The following CCDC141 variants were observed in gnomAD, a reference collection of about 807,000 sequenced individuals.
CCDC141 encodes the protein coiled-coil domain-containing protein 141.
In CCDC141, 168 loss-of-function variants were observed where a neutral mutation model predicts 181.0. The ratio of observed to expected loss-of-function variants is 0.93; its 90% CI spans 0.82 to 1.05. The LOEUF is 1.05. CCDC141 is among the 50% of genes least tolerant of loss of function. The pLI, the probability that CCDC141 is intolerant of heterozygous loss-of-function variation, is 0.00. For missense variants in CCDC141, 1,902 were observed against 1,788.5 expected (o/e 1.06, Z -1.14); for synonymous variants, 666 against 642.3 (o/e 1.04, Z -0.56).
chr2:178,937,997 T>A (rs763007052), intron 6 of CCDC141, among the ~76,000 whole-genome samples: 5 of 152,086 alleles, frequency 3.3e-5, no homozygotes, highest in Non-Finnish European at 7.4e-5. Context: ...CTTATTAAGT[T>A]TTTCAAGAAA....
chr2:178,987,997 C>T (rs1269895867), intron 2 of CCDC141, among the ~76,000 whole-genome samples: 1 of 151,678 alleles, frequency 6.6e-6, no homozygotes, highest in African/African-American at 2.4e-5. Context: ...ATAAATCATG[C>T]TGCTATAAAG....
chr2:179,009,932 G>T (rs1033078281), intron 2 of CCDC141, among the ~76,000 whole-genome samples: 1 of 152,014 alleles, frequency 6.6e-6, no homozygotes, highest in Non-Finnish European at 1.5e-5. Flanking sequence ...AATATTAAAG[G>T]AAATAGATAG....
chr2:179,050,049 C>T lies in CCDC141; in HGVS notation c.-108G>A. ...CTTGGATTCATTCAGGGAAAGAGCTCAGCTCACACTGATTACTCTGCCAAA... is the reference window on the plus strand; with the variant it reads ...CTTGGATTCATTCAGGGAAAGAGCTTAGCTCACACTGATTACTCTGCCAAA... On this transcript the variant is annotated 5_prime_UTR_variant, in exon 1 of 24. The change abolishes the stop of an existing upstream ORF in the 5' untranslated region. Transcript: ENST00000443758. 6.7e-7 allele frequency: 1 copy of T among 1,491,694 alleles called. No homozygotes were observed. Among genetic ancestry groups the T allele is most frequent in the Non-Finnish European group, 9.0e-7 (1 of 1,110,528 alleles). The allele number at this position is 1,491,694 out of a possible 1,614,324, so 92.4% of individuals were successfully genotyped here. A position where few individuals can be genotyped will look rare whatever the true frequency, so the allele number is the denominator to read the frequency against.
chr2:178,872,188 G>C lies in CCDC141; in HGVS notation c.2024C>G (p.Thr675Arg), dbSNP rs760248118. The C allele has an allele frequency of 6.2e-7, 1 of 1,613,860 alleles. No homozygotes were observed. Among genetic ancestry groups the C allele is most frequent in the Non-Finnish European group, 8.5e-7 (1 of 1,179,944 alleles). ...CTGCTGTTTTCCAGGCTTGCTTTCCGTGGCTTTAAGCTGCCATGCCAGCCG... is the reference window on the plus strand; with the variant it reads ...CTGCTGTTTTCCAGGCTTGCTTTCCCTGGCTTTAAGCTGCCATGCCAGCCG... ...LLRLAWQLKA[T>R]ESKPGKQQWA... The change falls in exon 13 of 24, where the codon ACG (threonine) becomes AGG (arginine). Residue 675 changes from threonine to arginine, a missense_variant. Physicochemically the swap from Thr to Arg is moderately conservative, Grantham distance 71 (BLOSUM62 -1). Coordinates refer to ENST00000443758, the MANE Select transcript of CCDC141 (RefSeq NM_173648.4).
chr2:179,015,385 T>C (rs1037231948), intron 2 of CCDC141, among the ~76,000 whole-genome samples: 39 of 139,902 alleles, frequency 2.8e-4, no homozygotes, highest in Non-Finnish European at 4.6e-4. Context: ...ATATATCTCA[T>C]ATATGTATCA....
At chr2:179,048,408 A>C (rs1417783119) in intron 1 of CCDC141, among the ~76,000 whole-genome samples, 1 of 152,190 alleles carries the variant, frequency 6.6e-6, no homozygotes, top group Admixed American at 6.5e-5. Flanking sequence ...AACACAATTC[A>C]GTTAAAATAA....
intron 2 of CCDC141, among the ~76,000 whole-genome samples, chr2:179,022,912 C>A (rs1319440339): frequency 9.2e-6 from 1 of 109,218 alleles, no homozygotes. Flanking sequence ...CTCAGTATTG[C>A]TAACTGAGTG....
intron 5 of CCDC141, among the ~76,000 whole-genome samples, chr2:178,950,130 A>G (rs1689889472): frequency 6.6e-6 from 1 of 152,236 alleles, no homozygotes; most frequent in South Asian, 2.1e-4. Context: ...CTGAATAACC[A>G]GGTTCTATTA....
intron 17 of CCDC141, among the ~76,000 whole-genome samples, chr2:178,862,951 T>G (rs1685685599): frequency 6.6e-6 from 1 of 152,154 alleles, no homozygotes; most frequent in African/African-American, 2.4e-5. Flanking sequence ...CCAAATGAAC[T>G]GTACTATTAT....
At chr2:178,965,506 C>G (rs572183110) in intron 4 of CCDC141, among the ~76,000 whole-genome samples, 1 of 152,260 alleles carries the variant, frequency 6.6e-6, no homozygotes, top group South Asian at 2.1e-4. Context: ...GTCACCTCAC[C>G]CAGGAAGCAC....
downstream of CCDC141, among the ~76,000 whole-genome samples, chr2:178,825,906 A>G (rs1684118838): frequency 6.6e-6 from 1 of 152,164 alleles, no homozygotes; most frequent in Non-Finnish European, 1.5e-5. Flanking sequence ...CTAGGTAGAA[A>G]GTCATGATAT....
chr2:178,934,467 C>T (rs1689210098), intron 6 of CCDC141, among the ~76,000 whole-genome samples: 1 of 151,908 alleles, frequency 6.6e-6, no homozygotes, highest in South Asian at 2.1e-4. Flanking sequence ...TATAATCATC[C>T]ATGTCTGCTA....
intron 2 of CCDC141, among the ~76,000 whole-genome samples, chr2:179,021,935 A>G (rs933549100): frequency 6.6e-6 from 1 of 152,208 alleles, no homozygotes; most frequent in Non-Finnish European, 1.5e-5. Flanking sequence ...CATAGGCCTA[A>G]TAAAAGATAG....
chr2:178,898,888 T>A (rs1687541945), intron 8 of CCDC141, among the ~76,000 whole-genome samples: 2 of 152,174 alleles, frequency 1.3e-5, no homozygotes, highest in Non-Finnish European at 2.9e-5. Flanking sequence ...TTTTAATACA[T>A]TAAGATAAGT....
chr2:178,904,243 T>C (rs537086288), intron 8 of CCDC141, among the ~76,000 whole-genome samples: 1 of 152,336 alleles, frequency 6.6e-6, no homozygotes, highest in East Asian at 1.9e-4. Context: ...TCCCTTGTCT[T>C]CATAGCCTCA....
chr2:178,857,701 G>A (rs1251722720), intron 17 of CCDC141, among the ~76,000 whole-genome samples: 1 of 152,104 alleles, frequency 6.6e-6, no homozygotes, highest in Non-Finnish European at 1.5e-5. Context: ...AGATTATATG[G>A]AGGCATTTAA....
chr2:179,021,331 C>G (rs2042687201), intron 2 of CCDC141, among the ~76,000 whole-genome samples: 1 of 152,130 alleles, frequency 6.6e-6, no homozygotes, highest in Non-Finnish European at 1.5e-5. Context: ...TTGCCCATGC[C>G]TATCTGAAGG....
chr2:178,867,718 G>T (rs1265244001), intron 16 of CCDC141, among the ~76,000 whole-genome samples: 1 of 151,892 alleles, frequency 6.6e-6, no homozygotes, highest in African/African-American at 2.4e-5. Flanking sequence ...TTTTTTAGTT[G>T]CATTAGGCAC....
At chr2:178,845,822 A>C (rs1684916026) in intron 21 of CCDC141, 80 bp from the exon 22 acceptor site, 1 of 815,682 alleles carries the variant, frequency 1.2e-6, no homozygotes, top group Admixed American at 1.8e-5. Flanking sequence ...TTGGAAGAAA[A>C]CATAGACCAC....
Sources: gnomAD v4.1 joint callset for allele counts (sites outside exome capture counted in the v4.1 genomes callset) on GRCh38, gnomAD v4.1.1 for gene constraint, MANE v1.5 for transcripts, NCBI Gene and HGNC (gene_info 2026-07-23, HGNC 2026-07-21) for gene names.